The following QKI variants were observed in gnomAD, a reference collection of about 807,000 sequenced individuals.
The protein encoded by QKI is KH domain-containing RNA-binding protein QKI.
QKI carries 10 observed loss-of-function variants against 39.0 expected under a neutral mutation model. That is an observed-to-expected ratio of 0.26 (90% CI 0.16 to 0.43). QKI has a LOEUF of 0.43. Among genes scored for constraint, QKI ranks in the 20% least tolerant of loss-of-function variants. QKI has a pLI of 1.00. For synonymous variants in QKI, 204 were observed against 155.4 expected, an observed-to-expected ratio of 1.31 and a Z score of -2.33; for missense variants, 218 against 428.0, an observed-to-expected ratio of 0.51 and a Z score of 4.33.
Position 163,481,929 on chromosome 6 carries a change from G to A in QKI, c.402+3033G>A, listed in dbSNP as rs541344390. On this transcript the variant is annotated intron_variant, in intron 3 of 7. Coordinates refer to ENST00000361752, the MANE Select transcript of QKI (RefSeq NM_006775.3). ...AGGCTGGGCACAGTGGCTCACACCT[G>A]TAATCTCAGCACTTTGGGAGGCTGA... 7.9e-5 allele frequency among the ~76,000 whole-genome samples: 12 copies of A among 152,320 alleles called. No individual in the cohort carries two copies. The South Asian group carries it at 2.3e-3, about 29-fold the overall frequency.
chr6:163,483,676 C>G (rs1182289580), intron 3 of QKI, among the ~76,000 whole-genome samples: 1 of 152,128 alleles, frequency 6.6e-6, no homozygotes, highest in Non-Finnish European at 1.5e-5. Context: ...CTCTTTCCAC[C>G]ACATCTGCAG....
intron 1 of QKI, among the ~76,000 whole-genome samples, chr6:163,419,088 TA>T (rs1459761189): frequency 6.6e-6 from 1 of 152,078 alleles, no homozygotes; most frequent in Non-Finnish European, 1.5e-5. Flanking sequence ...GATTTGAAAA[TA>T]TATTTTCATT....
In QKI at chr6:163,564,031, T is replaced by A. The variant is rs184812500; in HGVS notation, c.934+312T>A. The A allele has an allele frequency of 2.2e-5, 25 of 1,160,882 alleles. No individual in the cohort carries two copies. In the East Asian group the frequency reaches 9.1e-4, roughly 42 times the overall value. The allele number at this position is 1,160,882 out of a possible 1,614,324, so 71.9% of individuals were successfully genotyped here. A position where few individuals can be genotyped will look rare whatever the true frequency, so the allele number is the denominator to read the frequency against. ...ATTCTGAGTTTTAGGTCCCACCCCA[T>A]TGGCCCGTCACCTCCATCAGCTCCA... On this transcript the variant is annotated intron_variant, in intron 6 of 7. Transcript: ENST00000361752.
intron 3 of QKI, among the ~76,000 whole-genome samples, chr6:163,523,732 G>T (rs1033125718): frequency 6.6e-6 from 1 of 152,180 alleles, no homozygotes; most frequent in African/African-American, 2.4e-5. Context: ...TATCATAAAA[G>T]ATGTGCAAGT....
At chr6:163,473,036 A>G (rs1357243321) in intron 2 of QKI, among the ~76,000 whole-genome samples, 1 of 152,170 alleles carries the variant, frequency 6.6e-6, no homozygotes, top group East Asian at 1.9e-4. Flanking sequence ...TTAAAGACAA[A>G]CACAAAATGA....
At chr6:163,443,757 T>G (rs1202174478) in intron 1 of QKI, among the ~76,000 whole-genome samples, 1 of 152,250 alleles carries the variant, frequency 6.6e-6, no homozygotes, top group African/African-American at 2.4e-5. Context: ...TTATAAACCT[T>G]AGGTTCTTTC....
intron 2 of QKI, among the ~76,000 whole-genome samples, chr6:163,470,714 A>G (rs1054549420): frequency 6.6e-6 from 1 of 152,192 alleles, no homozygotes; most frequent in African/African-American, 2.4e-5. Context: ...GCTATAAAAG[A>G]AAAACTAAGC....
At chr6:163,478,735 C>G (rs375945551) in intron 2 of QKI, 45 bp from the exon 3 acceptor site, 159 of 1,274,640 alleles carry the variant, frequency 1.2e-4, no homozygotes, top group Admixed American at 2.3e-4. Flanking sequence ...GCTGTAAGTT[C>G]CAGCAAGTGA....
chr6:163,454,724 ATAGCT>A (rs1790802088), intron 1 of QKI, among the ~76,000 whole-genome samples: 1 of 151,984 alleles, frequency 6.6e-6, no homozygotes, highest in South Asian at 2.1e-4. Flanking sequence ...ATCTCTTCTG[ATAGCT>A]TTAACCATTA....
At chr6:163,556,109 C>T (rs890673541) in intron 4 of QKI, among the ~76,000 whole-genome samples, 4 of 152,072 alleles carry the variant, frequency 2.6e-5, no homozygotes, top group Non-Finnish European at 4.4e-5. Flanking sequence ...TGTTAGGAAG[C>T]GTAAATGATT....
chr6:163,433,795 T>C (rs1217834761), intron 1 of QKI, among the ~76,000 whole-genome samples: 1 of 151,932 alleles, frequency 6.6e-6, no homozygotes, highest in Non-Finnish European at 1.5e-5. Context: ...CCACGAAAGG[T>C]AGCATGCCTT....
At chr6:163,564,440 A>G in intron 6 of QKI, 1 of 1,401,086 alleles carries the variant, frequency 7.1e-7, no homozygotes. Context: ...CTGTAGTTGT[A>G]TTCTTAAGAT....
chr6:163,533,647 A>T (rs1337373956), intron 3 of QKI, among the ~76,000 whole-genome samples: 1 of 152,188 alleles, frequency 6.6e-6, no homozygotes, highest in African/African-American at 2.4e-5. Flanking sequence ...ATGTGACCTT[A>T]TGTTGAAACA....
chr6:163,471,281 A>G (rs1792165046), intron 2 of QKI, among the ~76,000 whole-genome samples: 1 of 152,152 alleles, frequency 6.6e-6, no homozygotes, highest in African/African-American at 2.4e-5. Flanking sequence ...TCAGATAAGG[A>G]AAAATGGAGA....
chr6:163,455,295 G>A lies in QKI; in HGVS notation c.159G>A (p.Arg53=), dbSNP rs960070869. The A allele has an allele frequency of 6.2e-7, 1 of 1,610,252 alleles. No individual in the cohort carries two copies. The highest frequency in any genetic ancestry group is 1.7e-5 in the Admixed American group (1 of 59,522). ...RLLDEEISRV[R]KDMYNDTLNG... is the part of the protein sequence containing the mutation. The stretch of plus-strand genomic sequence containing the variant: ...TTTTAACAGAAATTAGCAGAGTACG[G>A]AAAGACATGTACAATGACACATTAA... The change falls in exon 2 of 8, where the codon CGG becomes CGA. Residue 53 remains arginine (R), a synonymous_variant. Transcript: ENST00000361752.
At chr6:163,444,615 C>G (rs1044049846) in intron 1 of QKI, among the ~76,000 whole-genome samples, 1 of 152,124 alleles carries the variant, frequency 6.6e-6, no homozygotes, top group Non-Finnish European at 1.5e-5. Flanking sequence ...TTGAGGTTAA[C>G]ATTAGATCTT....
intron 7 of QKI, chr6:163,568,965 A>G: frequency 1.0e-6 from 1 of 986,152 alleles, no homozygotes; most frequent in Non-Finnish European, 1.2e-6. Flanking sequence ...CACTTCGTTT[A>G]TATATTCCAC....
chr6:163,474,843 T>G (rs946693427), intron 2 of QKI, among the ~76,000 whole-genome samples: 2 of 149,994 alleles, frequency 1.3e-5, no homozygotes, highest in South Asian at 4.2e-4. Context: ...GAGGATTGCT[T>G]GAGGCCAAGA....
At chr6:163,499,802 A>ATTT in intron 3 of QKI, among the ~76,000 whole-genome samples, 1 of 152,178 alleles carries the variant, frequency 6.6e-6, no homozygotes, top group South Asian at 2.1e-4. Context: ...ACTAGACACA[A>ATTT]AACTGGGAGG....
Sources: gnomAD v4.1 joint callset for allele counts (sites outside exome capture counted in the v4.1 genomes callset) on GRCh38, gnomAD v4.1.1 for gene constraint, MANE v1.5 for transcripts, NCBI Gene and HGNC (gene_info 2026-07-23, HGNC 2026-07-21) for gene names.